Variants in BAIAP2L1 observed in about 807,000 individuals in gnomAD.
BAIAP2L1 encodes BAR/IMD domain containing adaptor protein 2 like 1, also known as BAR/IMD domain-containing adapter protein 2-like 1.
In BAIAP2L1, 35 loss-of-function variants were observed where a neutral mutation model predicts 66.3. The ratio of observed to expected loss-of-function variants is 0.53; its 90% CI spans 0.40 to 0.70. The LOEUF (loss-of-function observed/expected upper bound fraction) is 0.70. Among genes scored for constraint, BAIAP2L1 ranks in the 30% least tolerant of loss-of-function variants. BAIAP2L1 has a pLI of 0.00. For synonymous variants in BAIAP2L1, 269 were observed against 248.7 expected (o/e 1.08, Z -0.77); for missense variants, 622 against 656.9 (o/e 0.95, Z 0.58).
chr7:98,313,982 C>T (rs868222118), intron 7 of BAIAP2L1, among the ~76,000 whole-genome samples: 42 of 100,970 alleles, frequency 4.2e-4, no homozygotes, highest in Middle Eastern at 0.01. Flanking sequence ...CTTTTTCTTC[C>T]TTTTTTTTTT....
Position 98,293,352 on chromosome 7 carries a change from T to C in BAIAP2L1, c.*169A>G. 3 of 613,254 alleles carry C rather than the reference T, an allele frequency of 4.9e-6. No individual in the cohort carries two copies. The South Asian group carries it at 6.6e-5, about 13-fold the overall frequency. The allele number at this position is 613,254 out of a possible 1,614,324, so 38.0% of individuals were successfully genotyped here. On this transcript the variant is annotated 3_prime_UTR_variant, in exon 14 of 14. Transcript: ENST00000005260. ...CTCATTTATCTTAAAGGCAGAAACTTGTCAACCCAACTACGTGAAACAGAG... is the reference window on the plus strand; with the variant it reads ...CTCATTTATCTTAAAGGCAGAAACTCGTCAACCCAACTACGTGAAACAGAG...
intron 2 of BAIAP2L1, among the ~76,000 whole-genome samples, chr7:98,357,036 TATATATATATATA>T (rs1802146161): frequency 6.2e-5 from 1 of 16,160 alleles, no homozygotes; most frequent in Non-Finnish European, 1.0e-4. Flanking sequence ...TATATATATA[TATATATATATATA>T]TTTTTTTTTT....
chr7:98,345,764 A>G (rs1189425584), intron 3 of BAIAP2L1, among the ~76,000 whole-genome samples: 1 of 152,244 alleles, frequency 6.6e-6, no homozygotes, highest in Non-Finnish European at 1.5e-5. Flanking sequence ...GGATCTGAAT[A>G]TACATTTCTC....
chr7:98,369,052 T>C (rs1290886740), intron 1 of BAIAP2L1, among the ~76,000 whole-genome samples: 2 of 152,098 alleles, frequency 1.3e-5, no homozygotes, highest in Non-Finnish European at 2.9e-5. Flanking sequence ...AACTTTTTTT[T>C]TTTTTTTTTC....
At chr7:98,366,026 A>G (rs1802383066) in intron 1 of BAIAP2L1, among the ~76,000 whole-genome samples, 1 of 152,190 alleles carries the variant, frequency 6.6e-6, no homozygotes, top group South Asian at 2.1e-4. Context: ...GTGTGTGCAC[A>G]GGGTAGTGGC....
At chr7:98,363,741 C>T (rs1194947936) in intron 1 of BAIAP2L1, among the ~76,000 whole-genome samples, 4 of 152,162 alleles carry the variant, frequency 2.6e-5, no homozygotes, top group African/African-American at 9.7e-5. Flanking sequence ...TCACCGACCC[C>T]TTCCCCAAAT....
rs530181604 is a variant in BAIAP2L1, at chr7:98,313,115, C to T, written c.640-851G>A. On this transcript the variant is annotated intron_variant, in intron 7 of 13. Transcript: ENST00000005260. The stretch of plus-strand genomic sequence containing the variant: ...AAAGACCCCCTCACACCACCCCTGT[C>T]CCCAAATGCCACCCCACCCCCAACT... 2.7e-5 allele frequency among the ~76,000 whole-genome samples: 4 copies of T among 149,530 alleles called. No individual in the cohort carries two copies. In the South Asian group the frequency reaches 8.6e-4, roughly 32 times the overall value.
At chr7:98,323,792 C>T (rs567108337) in intron 3 of BAIAP2L1, among the ~76,000 whole-genome samples, 39 of 152,136 alleles carry the variant, frequency 2.6e-4, no homozygotes, top group African/African-American at 8.2e-4. Flanking sequence ...AGCTGGCCGC[C>T]GCGGAGTCAG....
intron 3 of BAIAP2L1, among the ~76,000 whole-genome samples, chr7:98,348,975 A>C (rs7795176): frequency 0.38 from 58,543 of 152,194 alleles, 12,639 homozygotes; most frequent in Middle Eastern, 0.55. Context: ...TCCTGGGTCA[A>C]AGGATCTTTC....
At position 98,348,215 on chromosome 7, in the gene BAIAP2L1, T is replaced by G. The variant is rs1024733658; in HGVS notation, c.214+6827A>C. Among the ~76,000 whole-genome samples the G allele has an allele frequency of 8.6e-5, 13 of 151,828 alleles. 1 individual carries two copies. Among genetic ancestry groups the G allele is most frequent in the Non-Finnish European group, 2.9e-5 (2 of 67,946 alleles). On this transcript the variant is annotated intron_variant, in intron 3 of 13. Coordinates refer to ENST00000005260, the MANE Select transcript of BAIAP2L1 (RefSeq NM_018842.5). ...GAGAGTAAAGGAGAGACCAATGAAATAGAAAACAAAGACACAATGGAGAGA... is the reference window on the plus strand; with the variant it reads ...GAGAGTAAAGGAGAGACCAATGAAAGAGAAAACAAAGACACAATGGAGAGA...
chr7:98,398,096 A>C (rs1803259450), intron 1 of BAIAP2L1, among the ~76,000 whole-genome samples: 1 of 152,182 alleles, frequency 6.6e-6, no homozygotes, highest in South Asian at 2.1e-4. Context: ...CAAAAAACTA[A>C]AACCCATACT....
chr7:98,333,691 T>G (rs1045943629), intron 3 of BAIAP2L1, among the ~76,000 whole-genome samples: 2 of 152,164 alleles, frequency 1.3e-5, no homozygotes, highest in African/African-American at 4.8e-5. Context: ...TATTAGACAT[T>G]TGGTTTTATG....
chr7:98,311,602 G>A (rs940787830), intron 8 of BAIAP2L1, among the ~76,000 whole-genome samples: 3 of 149,724 alleles, frequency 2.0e-5, no homozygotes, highest in South Asian at 2.1e-4. Flanking sequence ...AGATAATAGC[G>A]CCAAACATAG....
chr7:98,354,670 G>A (rs767497382), intron 3 of BAIAP2L1, among the ~76,000 whole-genome samples: 31 of 152,146 alleles, frequency 2.0e-4, no homozygotes, highest in Non-Finnish European at 2.5e-4. Flanking sequence ...TAAAGGAGTC[G>A]GATTTTCTAC....
chr7:98,400,459 A>T, intron 1 of BAIAP2L1: 1 of 274,502 alleles, frequency 3.6e-6, no homozygotes, highest in Non-Finnish European at 6.4e-6. Flanking sequence ...GACAGTGTCG[A>T]GGGGCAGGGG....
chr7:98,339,705 C>T (rs1801695243), intron 3 of BAIAP2L1, among the ~76,000 whole-genome samples: 1 of 152,256 alleles, frequency 6.6e-6, no homozygotes, highest in South Asian at 2.1e-4. Context: ...GTGACCGCAG[C>T]AGCTCTTTCT....
chr7:98,324,301 C>G (rs1471381167), intron 3 of BAIAP2L1, among the ~76,000 whole-genome samples: 1 of 152,212 alleles, frequency 6.6e-6, no homozygotes, highest in Non-Finnish European at 1.5e-5. Context: ...TCAATTTTTC[C>G]TCAATATTCG....
chr7:98,340,584 G>A (rs1036377856), intron 3 of BAIAP2L1, among the ~76,000 whole-genome samples: 1 of 152,040 alleles, frequency 6.6e-6, no homozygotes, highest in African/African-American at 2.4e-5. Flanking sequence ...ACCACGCCCG[G>A]CTATGTAAGT....
At chr7:98,365,891 G>A (rs934205199) in intron 1 of BAIAP2L1, among the ~76,000 whole-genome samples, 2 of 152,146 alleles carry the variant, frequency 1.3e-5, no homozygotes, top group African/African-American at 4.8e-5. Flanking sequence ...ATCATCTCCT[G>A]ATTACCTTTC....
Sources: allele counts gnomAD v4.1 joint callset (sites outside exome capture counted in the v4.1 genomes callset), GRCh38; gene constraint gnomAD v4.1.1; transcripts MANE v1.5; gene names NCBI Gene and HGNC (gene_info 2026-07-23, HGNC 2026-07-21).